The following WNT7A variants were observed in gnomAD, a reference collection of about 807,000 sequenced individuals.
The protein encoded by WNT7A is protein Wnt-7a.
Under a neutral mutation model 28.2 loss-of-function variants are expected in WNT7A, and 16 were observed. The observed-to-expected ratio is 0.57, with a 90% confidence interval of 0.38 to 0.86. WNT7A has a LOEUF of 0.86. WNT7A is among the 40% of genes least tolerant of loss of function. WNT7A has a pLI of 0.00. For synonymous variants in WNT7A, 190 were observed against 195.9 expected (o/e 0.97, Z 0.25); for missense variants, 411 against 489.7 (o/e 0.84, Z 1.52).
chr3:13,856,069 G>A (rs374470328), intron 2 of WNT7A, among the ~76,000 whole-genome samples: 1 of 149,354 alleles, frequency 6.7e-6, no homozygotes, highest in Non-Finnish European at 1.5e-5. Flanking sequence ...CCACCCCATC[G>A]CTGCCCTCCC....
chr3:13,872,936 T>G (rs1695047762), intron 2 of WNT7A, among the ~76,000 whole-genome samples: 1 of 152,160 alleles, frequency 6.6e-6, no homozygotes, highest in African/African-American at 2.4e-5. Context: ...AGTTTCCTCA[T>G]CTATAACATC....
chr3:13,868,757 G>T, intron 2 of WNT7A, among the ~76,000 whole-genome samples: 1 of 135,952 alleles, frequency 7.4e-6, no homozygotes, highest in Admixed American at 7.1e-5. Context: ...AAGAAAGGAG[G>T]GAAGGGAAGG....
chr3:13,846,740 C>A (rs1694543080), intron 3 of WNT7A, among the ~76,000 whole-genome samples: 1 of 152,140 alleles, frequency 6.6e-6, no homozygotes. Flanking sequence ...CTGCCTGCCA[C>A]CCTCCTAACC....
At chr3:13,844,560 G>C (rs1158713595) in intron 3 of WNT7A, among the ~76,000 whole-genome samples, 2 of 152,246 alleles carry the variant, frequency 1.3e-5, no homozygotes, top group African/African-American at 2.4e-5. Context: ...AGTTACCAAG[G>C]GTCCCCAAGG....
chr3:13,873,895 G>A (rs1695063358), intron 2 of WNT7A, among the ~76,000 whole-genome samples: 1 of 152,336 alleles, frequency 6.6e-6, no homozygotes. Context: ...TGGCAGCAGA[G>A]GTCAGCAGCA....
At chr3:13,865,015 T>C (rs1436953091) in intron 2 of WNT7A, among the ~76,000 whole-genome samples, 1 of 152,194 alleles carries the variant, frequency 6.6e-6, no homozygotes, top group African/African-American at 2.4e-5. Flanking sequence ...TGGGTGGATA[T>C]ACTTTTTGGT....
Position 13,818,833 on chromosome 3 carries a change from C to G in WNT7A, c.*111G>C. 6.9e-7 allele frequency: 1 copy of G among 1,441,056 alleles called. No individual in the cohort carries two copies. The highest frequency in any genetic ancestry group is 1.5e-5 in the South Asian group (1 of 67,716). 89.3% of individuals were successfully genotyped at this position (1,441,056 alleles called of 1,614,324 possible). A position where few individuals can be genotyped will look rare whatever the true frequency, so the allele number is the denominator to read the frequency against. On this transcript the variant is annotated 3_prime_UTR_variant, in exon 4 of 4. Transcript: ENST00000285018. ...GCAGGAAACCCAGGAAAAGTACCCT[C>G]CTCAGCAGAAAAGACAAGCTCAGCA... is the stretch of plus-strand genomic sequence containing the variant.
At chr3:13,836,195 GTT>G (rs377560699) in intron 3 of WNT7A, among the ~76,000 whole-genome samples, 2,424 of 125,998 alleles carry the variant, frequency 0.019, 30 homozygotes, top group African/African-American at 0.029. Context: ...AGTAAAGCTG[GTT>G]TTTAAAAAAA....
chr3:13,846,982 T>C (rs1694546754), intron 3 of WNT7A, among the ~76,000 whole-genome samples: 1 of 152,082 alleles, frequency 6.6e-6, no homozygotes, highest in South Asian at 2.1e-4. Flanking sequence ...ACGTTTCCAG[T>C]CTCTGTGGGA....
At chr3:13,836,101 C>T (rs545092864) in intron 3 of WNT7A, among the ~76,000 whole-genome samples, 6 of 151,062 alleles carry the variant, frequency 4.0e-5, no homozygotes, top group African/African-American at 1.2e-4. Flanking sequence ...ATTGTGGTGA[C>T]GGTTGCACAA....
intron 3 of WNT7A, among the ~76,000 whole-genome samples, chr3:13,839,958 G>A (rs369271490): frequency 6.6e-6 from 1 of 152,144 alleles, no homozygotes; most frequent in African/African-American, 2.4e-5. Context: ...CCTTCCTAAC[G>A]CTGATCAGCC....
chr3:13,859,201 G>T (rs992669639), intron 2 of WNT7A, among the ~76,000 whole-genome samples: 3 of 152,192 alleles, frequency 2.0e-5, no homozygotes, highest in African/African-American at 7.2e-5. Context: ...TCCAGTGTTT[G>T]TCTGCCCAGG....
chr3:13,827,348 G>GC (rs1694211392), intron 3 of WNT7A, among the ~76,000 whole-genome samples: 1 of 152,196 alleles, frequency 6.6e-6, no homozygotes. Context: ...TGCCAGCCAT[G>GC]CCCCAAACCT....
In WNT7A at chr3:13,819,257, T is replaced by C. The variant is rs1575057390; in HGVS notation, c.737A>G (p.Asn246Ser). ...GATCTTCAGGAAGGTGGGCCGCTTGTTGCGGCTGGCACGCACAGGCTCCAC... is the reference window on the plus strand; with the variant it reads ...GATCTTCAGGAAGGTGGGCCGCTTGCTGCGGCTGGCACGCACAGGCTCCAC... ...VHVEPVRASRNKRPTFLKIKK... is the reference protein window; with the variant it reads ...VHVEPVRASRSKRPTFLKIKK... Residue 246 changes from asparagine (N) to serine (S), a missense_variant, in exon 4 of 4, where the codon AAC becomes AGC. Physicochemically the swap from Asn to Ser is conservative, Grantham distance 46. Coordinates refer to ENST00000285018, the MANE Select transcript of WNT7A (RefSeq NM_004625.4). The C allele has an allele frequency of 1.2e-6, 2 of 1,614,120 alleles. No individual in the cohort carries two copies. The highest frequency in any genetic ancestry group is 1.7e-6 in the Non-Finnish European group (2 of 1,180,046).
rs967967475 is a variant in WNT7A, at chr3:13,854,585, T to G, written c.517A>C (p.Lys173Gln). ...TTCATGAGAGTCCGGGCATTCTGCTTGATCTCCCGGGCATCCACAAAGACC... is the reference window on the plus strand; with the variant it reads ...TTCATGAGAGTCCGGGCATTCTGCTGGATCTCCCGGGCATCCACAAAGACC... ...AKVFVDAREI[K>Q]QNARTLMNLH... Residue 173 changes from lysine (K) to glutamine (Q), a missense_variant, in exon 3 of 4, where the codon AAG (lysine) becomes CAG (glutamine). Coordinates refer to ENST00000285018, the MANE Select transcript of WNT7A (RefSeq NM_004625.4). 3.1e-6 allele frequency: 5 copies of G among 1,614,178 alleles called. No homozygotes were observed. Among genetic ancestry groups the G allele is most frequent in the Non-Finnish European group, 2.5e-6 (3 of 1,180,034 alleles).
At chr3:13,839,612 A>G (rs1694425221) in intron 3 of WNT7A, among the ~76,000 whole-genome samples, 1 of 152,262 alleles carries the variant, frequency 6.6e-6, no homozygotes, top group African/African-American at 2.4e-5. Context: ...AGCCTGGGAA[A>G]TAATCTCAGA....
At chr3:13,836,165 T>G (rs188063847) in intron 3 of WNT7A, among the ~76,000 whole-genome samples, 2 of 147,628 alleles carry the variant, frequency 1.4e-5, no homozygotes, top group East Asian at 4.0e-4. Flanking sequence ...ATGGATTGTA[T>G]GGCATGAGAA....
intron 2 of WNT7A, among the ~76,000 whole-genome samples, chr3:13,868,613 AGAGAGAG>A (rs778754534): frequency 0.24 from 4,044 of 16,926 alleles, 1,242 homozygotes; most frequent in Non-Finnish European, 0.32. Context: ...AAAGAAAGAG[AGAGAGAG>A]AGAAAGAAAG....
In WNT7A at chr3:13,875,080, C is replaced by A. The variant is rs1695085780; in HGVS notation, c.165G>T (p.Arg55=). 1.9e-5 allele frequency: 30 copies of A among 1,614,216 alleles called. No homozygotes were observed. The highest frequency in any genetic ancestry group is 2.3e-5 in the Non-Finnish European group (27 of 1,180,038). The change falls in exon 2 of 4, where the codon CGG becomes CGT. Residue 55 remains arginine, a synonymous_variant. Coordinates refer to ENST00000285018, the MANE Select transcript of WNT7A (RefSeq NM_004625.4). ...CTCCTATGACGATGATGGCGTCGGG[C>A]CGGCTCTGGCAGATCGCCCGCTGTC... ...APRQRAICQS[R]PDAIIVIGEG...
Sources: allele counts gnomAD v4.1 joint callset (sites outside exome capture counted in the v4.1 genomes callset), GRCh38; gene constraint gnomAD v4.1.1; transcripts MANE v1.5; gene names NCBI Gene and HGNC (gene_info 2026-07-23, HGNC 2026-07-21).